GSE1: variants seen among roughly 807,000 people sequenced by gnomAD.
GSE1 encodes the protein genetic suppressor element 1.
GSE1 carries 32 observed loss-of-function variants against 112.6 expected under a neutral mutation model. The observed-to-expected ratio is 0.28, with a 90% confidence interval of 0.21 to 0.38. The LOEUF (loss-of-function observed/expected upper bound fraction) is 0.38, where lower values mean the gene tolerates loss of function less well. Among genes scored for constraint, GSE1 ranks in the 10% least tolerant of loss-of-function variants. GSE1 has a pLI of 1.00. For missense variants in GSE1, 2,348 were observed against 1,699.2 expected (o/e 1.38, Z -6.71); for synonymous variants, 1,115 against 735.6 (o/e 1.52, Z -8.35).
chr16:85,361,725 C>G (rs147820281), intron 2 of GSE1, among the ~76,000 whole-genome samples: 1 of 152,216 alleles, frequency 6.6e-6, no homozygotes, highest in Non-Finnish European at 1.5e-5. Flanking sequence ...GAGCCTGTGC[C>G]GACCTGGGCC....
At chr16:85,381,449 T>C (rs1178217043) in intron 2 of GSE1, among the ~76,000 whole-genome samples, 1 of 152,184 alleles carries the variant, frequency 6.6e-6, no homozygotes, top group African/African-American at 2.4e-5. Context: ...ACACCTGTTT[T>C]CCCTTCTTCT....
chr16:85,357,943 C>T (rs1460041105), intron 2 of GSE1, among the ~76,000 whole-genome samples: 1 of 152,120 alleles, frequency 6.6e-6, no homozygotes, highest in East Asian at 1.9e-4. Context: ...TTCATTCATT[C>T]ATTAAAAAAA....
At chr16:85,463,507 C>A (rs925502363) in intron 2 of GSE1, among the ~76,000 whole-genome samples, 1 of 152,330 alleles carries the variant, frequency 6.6e-6, no homozygotes, top group African/African-American at 2.4e-5. Context: ...GTGGGTCCAA[C>A]CCTGGCAGGG....
chr16:85,336,428 G>T (rs980587044), intron 1 of GSE1, among the ~76,000 whole-genome samples: 2 of 152,212 alleles, frequency 1.3e-5, no homozygotes, highest in Non-Finnish European at 2.9e-5. Flanking sequence ...AGTCGGTGGC[G>T]TTCAGCACAG....
intron 2 of GSE1, among the ~76,000 whole-genome samples, chr16:85,638,354 G>A (rs998427411): frequency 3.3e-5 from 5 of 152,148 alleles, no homozygotes; most frequent in Non-Finnish European, 5.9e-5. Flanking sequence ...CCACCAGCGC[G>A]GGCCAGACAC....
rs1029413666 is a variant in GSE1, at chr16:85,169,713, G to T, written c.189G>T (p.Pro63=). The T allele has an allele frequency of 5.1e-6, 5 of 983,076 alleles. No homozygotes were observed. The African/African-American group carries it at 8.8e-5, about 17-fold the overall frequency. 60.9% of individuals were successfully genotyped at this position (983,076 alleles called of 1,614,324 possible). The change falls in exon 1 of 3, where the codon CCG becomes CCT. Residue 63 remains proline (P), a synonymous_variant. Coordinates refer to the GSE1 transcript ENST00000637419. ...GGACCCCGGCGCAGCCCTTCTTCCCGTTCCTGCAGCAGCAGGAGCCGGCGC... is the reference window on the plus strand; with the variant it reads ...GGACCCCGGCGCAGCCCTTCTTCCCTTTCCTGCAGCAGCAGGAGCCGGCGC...
intron 1 of GSE1, among the ~76,000 whole-genome samples, chr16:85,260,319 CTTTTT>C (rs111292010): frequency 1.2e-4 from 11 of 94,868 alleles, no homozygotes; most frequent in African/African-American, 4.5e-4. Flanking sequence ...TTTTTCTTTT[CTTTTT>C]TTTTTTTTTT....
intron 2 of GSE1, among the ~76,000 whole-genome samples, chr16:85,535,243 G>A (rs2044284861): frequency 6.6e-6 from 1 of 152,234 alleles, no homozygotes; most frequent in Non-Finnish European, 1.5e-5. Flanking sequence ...GTGCCGAGAT[G>A]GTGGAGCAGC....
At chr16:85,585,186 C>T (rs912290991) in intron 1 of GSE1, among the ~76,000 whole-genome samples, 5 of 152,220 alleles carry the variant, frequency 3.3e-5, no homozygotes, top group Non-Finnish European at 4.4e-5. Context: ...ACAATAAAAA[C>T]GTGCTGGCCT....
chr16:85,608,388 A>C (rs1293036522), upstream of GSE1, among the ~76,000 whole-genome samples: 1 of 152,102 alleles, frequency 6.6e-6, no homozygotes, highest in African/African-American at 2.4e-5. Context: ...CTGTGCATAC[A>C]GGGGAGCTGG....
At chr16:85,665,577 C>T (rs1053699415) in intron 12 of GSE1, among the ~76,000 whole-genome samples, 4 of 136,208 alleles carry the variant, frequency 2.9e-5, no homozygotes, top group South Asian at 5.7e-4. Flanking sequence ...GCACCTGCCG[C>T]CACACCTTTC....
chr16:85,501,371 G>C (rs1490769220), intron 2 of GSE1, among the ~76,000 whole-genome samples: 1 of 150,114 alleles, frequency 6.7e-6, no homozygotes, highest in Non-Finnish European at 1.5e-5. Flanking sequence ...ACACGGTTCT[G>C]GGATTAGGAC....
chr16:85,566,896 C>G (rs1019839613), intron 1 of GSE1, among the ~76,000 whole-genome samples: 15 of 152,162 alleles, frequency 9.9e-5, no homozygotes, highest in Non-Finnish European at 1.8e-4. Flanking sequence ...GGGGCCGCAG[C>G]GGAAGGGCCG....
intron 2 of GSE1, among the ~76,000 whole-genome samples, chr16:85,475,069 C>T (rs755185807): frequency 5.9e-5 from 9 of 152,182 alleles, no homozygotes; most frequent in African/African-American, 2.2e-4. Context: ...ATAAATTGTG[C>T]CTTGTAATAA....
At chr16:85,648,408 G>C (rs1036238324) in intron 2 of GSE1, 144 bp from the exon 3 acceptor site, 14 of 580,968 alleles carry the variant, frequency 2.4e-5, no homozygotes, top group Non-Finnish European at 3.9e-5. Context: ...TGCCTGTCTT[G>C]GGTGGGGGCC....
At chr16:85,571,319 G>A (rs2045971264) in intron 1 of GSE1, among the ~76,000 whole-genome samples, 1 of 152,236 alleles carries the variant, frequency 6.6e-6, no homozygotes, top group Non-Finnish European at 1.5e-5. Flanking sequence ...TAGATCCGTG[G>A]CTATCAGACC....
At chr16:85,316,445 C>T (rs2045986929) in intron 1 of GSE1, among the ~76,000 whole-genome samples, 1 of 152,182 alleles carries the variant, frequency 6.6e-6, no homozygotes, top group Non-Finnish European at 1.5e-5. Flanking sequence ...GGGACCAGCC[C>T]ATCTTGCACC....
intron 5 of GSE1, among the ~76,000 whole-genome samples, 161 bp from the exon 6 acceptor site, chr16:85,655,565 G>C (rs1224756702): frequency 6.6e-6 from 1 of 152,224 alleles, no homozygotes; most frequent in Admixed American, 6.5e-5. Context: ...GGCATCAAGG[G>C]GCTTTGGGGC....
At chr16:85,557,833 C>G (rs1159148636) in intron 1 of GSE1, among the ~76,000 whole-genome samples, 1 of 149,456 alleles carries the variant, frequency 6.7e-6, no homozygotes, top group East Asian at 2.0e-4. Context: ...TACTTTTACT[C>G]TTTTTGAGTT....
Sources: gnomAD v4.1 joint callset for allele counts (sites outside exome capture counted in the v4.1 genomes callset) on GRCh38, gnomAD v4.1.1 for gene constraint, MANE v1.5 for transcripts, NCBI Gene and HGNC (gene_info 2026-07-23, HGNC 2026-07-21) for gene names.